Variants in GALNTL6 observed in about 807,000 individuals in gnomAD.
GALNTL6 encodes the protein polypeptide N-acetylgalactosaminyltransferase-like 6.
GALNTL6 carries 46 observed loss-of-function variants against 73.7 expected under a neutral mutation model. The ratio of observed to expected loss-of-function variants is 0.62; its 90% confidence interval spans 0.49 to 0.80. The LOEUF is 0.80. GALNTL6 is among the 30% of genes least tolerant of loss of function. The pLI, the probability that GALNTL6 is intolerant of heterozygous loss-of-function variation, is 0.00. For missense variants in GALNTL6, 604 were observed against 755.0 expected (o/e 0.80, Z 2.34); for synonymous variants, 259 against 263.7 (o/e 0.98, Z 0.17).
chr4:172,814,179 A>G (rs1741470860), intron 7 of GALNTL6, among the ~76,000 whole-genome samples: 1 of 152,318 alleles, frequency 6.6e-6, no homozygotes, highest in South Asian at 2.1e-4. Context: ...CCTATAACGG[A>G]AGCGTGCTCC....
intron 2 of GALNTL6, among the ~76,000 whole-genome samples, chr4:171,872,503 G>T (rs769595296): frequency 3.3e-5 from 5 of 152,090 alleles, no homozygotes; most frequent in Non-Finnish European, 5.9e-5. Context: ...TATCTAGGCT[G>T]CCATAACAAA....
intron 3 of GALNTL6, among the ~76,000 whole-genome samples, chr4:172,242,058 T>C (rs1420199789): frequency 2.0e-5 from 3 of 152,180 alleles, no homozygotes; most frequent in Non-Finnish European, 4.4e-5. Flanking sequence ...AGTATAATTA[T>C]AGTAGCTGAA....
At chr4:172,498,472 A>G (rs910132116) in intron 5 of GALNTL6, among the ~76,000 whole-genome samples, 16 of 152,080 alleles carry the variant, frequency 1.1e-4, no homozygotes, top group Admixed American at 2.6e-4. Context: ...TATTATGCAA[A>G]CATTCATTTT....
intron 5 of GALNTL6, among the ~76,000 whole-genome samples, chr4:172,634,719 C>A (rs974733438): frequency 4.6e-5 from 7 of 152,108 alleles, no homozygotes; most frequent in African/African-American, 1.7e-4. Flanking sequence ...ACAACTTATT[C>A]AACATTTATT....
intron 5 of GALNTL6, among the ~76,000 whole-genome samples, chr4:172,797,541 G>A (rs1250690119): frequency 2.0e-5 from 3 of 151,752 alleles, no homozygotes; most frequent in South Asian, 2.1e-4. Context: ...CACCACGCCC[G>A]GCCTATTTTT....
At chr4:172,965,962 A>G (rs1010665977) in intron 10 of GALNTL6, among the ~76,000 whole-genome samples, 3 of 152,234 alleles carry the variant, frequency 2.0e-5, no homozygotes, top group Non-Finnish European at 4.4e-5. Flanking sequence ...AGTGAAAATT[A>G]GTGCCTTTCT....
chr4:172,762,263 A>G (rs1738154257), intron 5 of GALNTL6, among the ~76,000 whole-genome samples: 1 of 152,216 alleles, frequency 6.6e-6, no homozygotes, highest in Non-Finnish European at 1.5e-5. Flanking sequence ...GGAAAAGTCA[A>G]ATACAGGGGG....
chr4:172,555,830 G>A lies in GALNTL6; in HGVS notation c.553+207141G>A, dbSNP rs184283930. Among the ~76,000 whole-genome samples, 8 of 152,148 alleles carry A rather than the reference G, an allele frequency of 5.3e-5. No individual in the cohort carries two copies. In the East Asian group the frequency reaches 1.5e-3, roughly 29 times the overall value. On this transcript the variant is annotated intron_variant, in intron 5 of 12. Transcript: ENST00000506823. ...TCTACATTAGTGTAATGAGAATAGT[G>A]AACCTTTGAAATGAGTAAAAAATAT...
chr4:171,906,832 G>A (rs1737298028), intron 2 of GALNTL6, among the ~76,000 whole-genome samples: 1 of 152,036 alleles, frequency 6.6e-6, no homozygotes, highest in Non-Finnish European at 1.5e-5. Flanking sequence ...ATGCAAGGCT[G>A]GTTCAATATA....
intron 2 of GALNTL6, among the ~76,000 whole-genome samples, chr4:172,226,278 T>C (rs958705089): frequency 6.6e-6 from 1 of 152,194 alleles, no homozygotes; most frequent in Non-Finnish European, 1.5e-5. Context: ...TTTCCCATTA[T>C]AGAAAATATC....
intron 10 of GALNTL6, among the ~76,000 whole-genome samples, chr4:172,960,332 A>G (rs1749979423): frequency 6.6e-6 from 1 of 152,234 alleles, no homozygotes. Context: ...ATTGCTGGGC[A>G]GGTTGGGGAG....
Position 171,992,661 on chromosome 4 carries a change from A to G in GALNTL6, c.138+177943A>G, listed in dbSNP as rs559009389. Among the ~76,000 whole-genome samples, 5 of 152,226 alleles carry G rather than the reference A, an allele frequency of 3.3e-5. No homozygotes were observed. The South Asian group carries it at 1.0e-3, about 32-fold the overall frequency. On this transcript the variant is annotated intron_variant, in intron 2 of 12. Coordinates refer to ENST00000506823, the MANE Select transcript of GALNTL6 (RefSeq NM_001034845.3). ...AAAAGACAACTGCTATATTTTAAAAAATAAAATCTTGCAGTAAACAAGTTT... is the reference window on the plus strand; with the variant it reads ...AAAAGACAACTGCTATATTTTAAAAGATAAAATCTTGCAGTAAACAAGTTT...
At chr4:172,686,285 A>G (rs2111244051) in intron 5 of GALNTL6, among the ~76,000 whole-genome samples, 1 of 152,074 alleles carries the variant, frequency 6.6e-6, no homozygotes, top group East Asian at 1.9e-4. Flanking sequence ...GTGGTCCTGC[A>G]ACATCAGCAG....
At chr4:172,806,416 G>GAA in intron 5 of GALNTL6, among the ~76,000 whole-genome samples, 1 of 152,264 alleles carries the variant, frequency 6.6e-6, no homozygotes, top group Non-Finnish European at 1.5e-5. Context: ...AAAACATGTA[G>GAA]AGACAGCCCT....
At chr4:172,219,223 A>ATATAT (rs56923371) in intron 2 of GALNTL6, among the ~76,000 whole-genome samples, 3 of 142,030 alleles carry the variant, frequency 2.1e-5, no homozygotes, top group East Asian at 2.1e-4. Flanking sequence ...ATATATATAT[A>ATATAT]ATCCTTCTGT....
intron 10 of GALNTL6, among the ~76,000 whole-genome samples, chr4:172,960,233 C>G (rs983532574): frequency 2.0e-5 from 3 of 152,110 alleles, no homozygotes; most frequent in African/African-American, 7.2e-5. Context: ...AGAGCCTAAA[C>G]GCTAACTGAT....
At chr4:172,900,295 CAAAT>C (rs1452483941) in intron 8 of GALNTL6, among the ~76,000 whole-genome samples, 1 of 152,072 alleles carries the variant, frequency 6.6e-6, no homozygotes, top group Non-Finnish European at 1.5e-5. Context: ...TTTTAAAAAT[CAAAT>C]AAATTACCCA....
intron 10 of GALNTL6, among the ~76,000 whole-genome samples, chr4:172,975,936 A>G (rs1013541309): frequency 3.3e-5 from 5 of 152,064 alleles, no homozygotes; most frequent in Non-Finnish European, 7.4e-5. Flanking sequence ...GGCCCCTAAG[A>G]GTGCAGGGAT....
chr4:172,405,903 C>T (rs1424533980), intron 5 of GALNTL6, among the ~76,000 whole-genome samples: 2 of 151,840 alleles, frequency 1.3e-5, no homozygotes, highest in African/African-American at 2.4e-5. Context: ...GAGCCCTCTC[C>T]CAAGGATATT....
Sources: allele counts gnomAD v4.1 joint callset (sites outside exome capture counted in the v4.1 genomes callset), GRCh38; gene constraint gnomAD v4.1.1; transcripts MANE v1.5; gene names NCBI Gene and HGNC (gene_info 2026-07-23, HGNC 2026-07-21).